CMTM8: variants seen among roughly 807,000 people sequenced by gnomAD.
The protein encoded by CMTM8 is CKLF like MARVEL transmembrane domain containing 8.
CMTM8 carries 12 observed loss-of-function variants against 18.6 expected under a neutral mutation model. That is an observed-to-expected ratio of 0.65 (90% CI 0.41 to 1.05). The LOEUF (loss-of-function observed/expected upper bound fraction) is 1.05, where lower values mean the gene tolerates loss of function less well. CMTM8 is among the 50% of genes least tolerant of loss of function. The pLI, the probability that CMTM8 is intolerant of heterozygous loss-of-function variation, is 0.00. For synonymous variants in CMTM8, 87 were observed against 90.6 expected (o/e 0.96, Z 0.23); for missense variants, 217 against 227.2 (o/e 0.95, Z 0.29).
intron 1 of CMTM8, among the ~76,000 whole-genome samples, chr3:32,314,575 A>G (rs1186175706): frequency 6.6e-6 from 1 of 151,608 alleles, no homozygotes; most frequent in Non-Finnish European, 1.5e-5. Flanking sequence ...CACTTCCCGG[A>G]TTCAATCAAT....
chr3:32,286,498 C>G (rs1299332218), intron 1 of CMTM8, among the ~76,000 whole-genome samples: 1 of 152,166 alleles, frequency 6.6e-6, no homozygotes, highest in African/African-American at 2.4e-5. Flanking sequence ...CCCCACAAAA[C>G]CAGATCTGTG....
chr3:32,265,117 C>A (rs1342026418), intron 1 of CMTM8, among the ~76,000 whole-genome samples: 1 of 152,158 alleles, frequency 6.6e-6, no homozygotes, highest in East Asian at 1.9e-4. Context: ...TAGACATCTA[C>A]AAAACTCTCC....
chr3:32,277,631 G>A (rs780749184), intron 1 of CMTM8, among the ~76,000 whole-genome samples: 17 of 152,138 alleles, frequency 1.1e-4, no homozygotes, highest in Non-Finnish European at 2.1e-4. Flanking sequence ...ATTACCCGAA[G>A]TTATGTTACT....
chr3:32,258,918 C>CGTATCATTAAAAA, intron 1 of CMTM8: 6 of 288,406 alleles, frequency 2.1e-5, no homozygotes, highest in South Asian at 8.5e-5. Context: ...CTCGCTTCCC[C>CGTATCATTAAAAA]ACCCCACTGC....
At chr3:32,259,930 C>A (rs6771370) in intron 1 of CMTM8, 91,710 of 1,127,450 alleles carry the variant, frequency 0.081, 5,742 homozygotes, top group African/African-American at 0.29. Flanking sequence ...AGGCCCGCTA[C>A]ACCCTGCAGA....
At chr3:32,259,885 G>A in intron 1 of CMTM8, 1 of 932,988 alleles carries the variant, frequency 1.1e-6, no homozygotes, top group Non-Finnish European at 1.7e-6. Flanking sequence ...TGAGAAATGT[G>A]AAGGCCAGCC....
intron 1 of CMTM8, chr3:32,258,911 G>A (rs952047295): frequency 2.5e-5 from 7 of 274,544 alleles, no homozygotes; most frequent in South Asian, 9.3e-5. Flanking sequence ...CTGTCCCCTC[G>A]CTTCCCCACC....
Position 32,292,162 on chromosome 3 carries a change from A to G in CMTM8, c.147+53043A>G, listed in dbSNP as rs546795558. Among the ~76,000 whole-genome samples, 52 of 152,336 alleles carry G rather than the reference A, an allele frequency of 3.4e-4. 1 individual carries two copies. The highest frequency in any genetic ancestry group is 6.3e-4 in the Non-Finnish European group (43 of 68,036). ...AATGTTCAGAAGAATCCAGGTATTC[A>G]TGAGCTTGAGTTTGCGTGTGGTAGA... On this transcript the variant is annotated intron_variant, in intron 1 of 3. Coordinates refer to ENST00000307526, the MANE Select transcript of CMTM8 (RefSeq NM_178868.5).
intron 1 of CMTM8, among the ~76,000 whole-genome samples, chr3:32,313,169 C>T (rs1451365009): frequency 1.3e-5 from 2 of 152,100 alleles, no homozygotes; most frequent in Non-Finnish European, 2.9e-5. Flanking sequence ...ACTCCTGCCC[C>T]TGGTGAAACC....
rs570192921 is a variant in CMTM8, at chr3:32,360,541, C to T, written c.321+2995C>T. ...GTTTCCGTCTGTTAACAACTAAAGG[C>T]TCTGACTAAACTTCCATATTTTCCA... On this transcript the variant is annotated intron_variant, in intron 2 of 3. Transcript: ENST00000307526. 7.9e-5 allele frequency among the ~76,000 whole-genome samples: 12 copies of T among 152,348 alleles called. No individual in the cohort carries two copies. In the East Asian group the frequency reaches 2.3e-3, roughly 29 times the overall value.
In CMTM8 at chr3:32,324,358, GA is replaced by G. The variant is rs985134280; in HGVS notation, c.148-33010del. ...AAAATGCTTTCAAGTTATTCCCAGA[GA>G]AAAAGGGTTCCCTGGGCCTTTCCTT... On this transcript the variant is annotated intron_variant, in intron 1 of 3. Coordinates refer to ENST00000307526, the MANE Select transcript of CMTM8 (RefSeq NM_178868.5). Among the ~76,000 whole-genome samples, 22 of 152,144 alleles carry G rather than the reference GA, an allele frequency of 1.4e-4. 1 individual carries two copies.
At chr3:32,268,709 A>G (rs959392430) in intron 1 of CMTM8, among the ~76,000 whole-genome samples, 2 of 152,146 alleles carry the variant, frequency 1.3e-5, no homozygotes, top group Non-Finnish European at 2.9e-5. Context: ...CCAGCTTTGT[A>G]GGTAGAGTGG....
intron 1 of CMTM8, among the ~76,000 whole-genome samples, chr3:32,279,868 A>G (rs1010090087): frequency 7.0e-6 from 1 of 143,762 alleles, no homozygotes; most frequent in African/African-American, 2.6e-5. Context: ...AATGATTGCC[A>G]TTCTAACTGG....
intron 1 of CMTM8, among the ~76,000 whole-genome samples, chr3:32,325,747 C>A (rs78666726): frequency 0.024 from 3,722 of 152,272 alleles, 151 homozygotes; most frequent in African/African-American, 0.085. Context: ...TCTTCCCTAC[C>A]TATCTCCCAC....
At chr3:32,338,648 T>A (rs1696434598) in intron 1 of CMTM8, among the ~76,000 whole-genome samples, 1 of 152,160 alleles carries the variant, frequency 6.6e-6, no homozygotes, top group Non-Finnish European at 1.5e-5. Context: ...CTCCCAGGCT[T>A]TGCACCTAAC....
chr3:32,350,413 A>G (rs1696683655), intron 1 of CMTM8, among the ~76,000 whole-genome samples: 1 of 149,272 alleles, frequency 6.7e-6, no homozygotes. Flanking sequence ...GCTGGAGTGC[A>G]ACGGCATGAT....
intron 1 of CMTM8, among the ~76,000 whole-genome samples, chr3:32,355,009 A>C (rs1218283664): frequency 6.6e-6 from 1 of 152,212 alleles, no homozygotes; most frequent in African/African-American, 2.4e-5. Flanking sequence ...ATATACTAAC[A>C]TCAAGCAGAT....
At chr3:32,292,618 ATACTGT>A (rs1702799588) in intron 1 of CMTM8, among the ~76,000 whole-genome samples, 9 of 152,008 alleles carry the variant, frequency 5.9e-5, no homozygotes, top group Admixed American at 3.9e-4. Context: ...TAAACAAAGG[ATACTGT>A]TTATCCTTTA....
At chr3:32,340,293 T>C (rs1250454409) in intron 1 of CMTM8, among the ~76,000 whole-genome samples, 1 of 152,182 alleles carries the variant, frequency 6.6e-6, no homozygotes, top group Admixed American at 6.5e-5. Flanking sequence ...CTCTAGTGGA[T>C]AAGTGAAGAT....
Sources: gnomAD v4.1 joint callset for allele counts (sites outside exome capture counted in the v4.1 genomes callset) on GRCh38, gnomAD v4.1.1 for gene constraint, MANE v1.5 for transcripts, NCBI Gene and HGNC (gene_info 2026-07-23, HGNC 2026-07-21) for gene names.